NTN4: variants seen among roughly 807,000 people sequenced by gnomAD.
NTN4 encodes the protein netrin 4.
Under a neutral mutation model 73.6 loss-of-function variants are expected in NTN4, and 32 were observed. The ratio of observed to expected loss-of-function variants is 0.44; its 90% CI spans 0.33 to 0.58. The LOEUF is 0.58. Ranked by LOEUF, NTN4 falls within the 20% of genes least tolerant of loss-of-function variation. NTN4 has a pLI of 0.04. For missense variants in NTN4, 654 were observed against 798.3 expected (o/e 0.82, Z 2.18); for synonymous variants, 258 against 287.5 (o/e 0.90, Z 1.04).
chr12:95,760,698 T>C (rs992029500), intron 2 of NTN4, among the ~76,000 whole-genome samples: 4 of 136,404 alleles, frequency 2.9e-5, no homozygotes, highest in Admixed American at 7.4e-5. Flanking sequence ...TTTTTTTTTT[T>C]CTCGCTTAAG....
At chr12:95,771,803 C>G (rs2079060945) in intron 2 of NTN4, among the ~76,000 whole-genome samples, 2 of 152,018 alleles carry the variant, frequency 1.3e-5, no homozygotes, top group Non-Finnish European at 2.9e-5. Context: ...ATATAGCATG[C>G]CAACTATTGC....
chr12:95,785,005 A>C (rs116989055), intron 2 of NTN4, among the ~76,000 whole-genome samples: 157 of 152,348 alleles, frequency 1.0e-3, no homozygotes, highest in Admixed American at 1.8e-3. Context: ...TGTTGCAATA[A>C]ATTTGCAATA....
intron 2 of NTN4, among the ~76,000 whole-genome samples, chr12:95,754,002 T>C (rs113486293): frequency 0.035 from 5,235 of 151,162 alleles, 274 homozygotes; most frequent in East Asian, 0.28. Context: ...CAAGCCATCA[T>C]AGCTGATATC....
intron 7 of NTN4, among the ~76,000 whole-genome samples, chr12:95,681,150 C>T (rs890592995): frequency 2.1e-4 from 30 of 146,046 alleles, no homozygotes; most frequent in South Asian, 4.3e-4. Context: ...GATTGTGCCA[C>T]TGCACTCCAG....
intron 2 of NTN4, among the ~76,000 whole-genome samples, chr12:95,769,291 T>G (rs1408919010): frequency 6.6e-6 from 1 of 152,074 alleles, no homozygotes; most frequent in East Asian, 1.9e-4. Flanking sequence ...TTGAGAGAAC[T>G]GATAGAAGAT....
chr12:95,769,660 C>T (rs1029563773), intron 2 of NTN4, among the ~76,000 whole-genome samples: 3 of 150,750 alleles, frequency 2.0e-5, no homozygotes, highest in East Asian at 1.9e-4. Flanking sequence ...TTTGAACATT[C>T]GGCAGTGCAT....
chr12:95,693,662 C>A (rs535549138), intron 5 of NTN4, among the ~76,000 whole-genome samples: 4 of 144,778 alleles, frequency 2.8e-5, no homozygotes, highest in African/African-American at 1.0e-4. Flanking sequence ...ACCTGGGAAG[C>A]GGAGGCTGCA....
intron 9 of NTN4, 27 bp downstream of exon 9, chr12:95,665,783 A>ACTTGT (rs1227397684): frequency 6.3e-6 from 10 of 1,582,566 alleles, no homozygotes; most frequent in Non-Finnish European, 8.6e-6. Context: ...CAAGGTAGGT[A>ACTTGT]CTAAGATAGG....
At chr12:95,756,464 G>A (rs575657176) in intron 2 of NTN4, among the ~76,000 whole-genome samples, 1 of 152,274 alleles carries the variant, frequency 6.6e-6, no homozygotes, top group East Asian at 1.9e-4. Flanking sequence ...AACCTGCCTT[G>A]TTTTTGTCAA....
intron 3 of NTN4, among the ~76,000 whole-genome samples, chr12:95,725,822 G>T (rs2078689716): frequency 6.6e-6 from 1 of 152,132 alleles, no homozygotes; most frequent in African/African-American, 2.4e-5. Flanking sequence ...TGGAATACTG[G>T]TTTATTAAAA....
chr12:95,766,579 T>G (rs1308057066), intron 2 of NTN4, among the ~76,000 whole-genome samples: 2 of 152,256 alleles, frequency 1.3e-5, no homozygotes, highest in African/African-American at 4.8e-5. Flanking sequence ...TAAAGAATGC[T>G]AGCAATTCCT....
chr12:95,686,666 G>C (rs1267178540), intron 5 of NTN4, among the ~76,000 whole-genome samples: 7 of 151,692 alleles, frequency 4.6e-5, no homozygotes, highest in Non-Finnish European at 8.8e-5. Flanking sequence ...ACTGAGGCAG[G>C]AGAATCGCTT....
intron 3 of NTN4, among the ~76,000 whole-genome samples, chr12:95,717,420 A>G (rs929396750): frequency 6.6e-5 from 10 of 152,148 alleles, no homozygotes; most frequent in African/African-American, 2.4e-4. Context: ...TTGATCCCAC[A>G]TGCCAAGGAT....
Position 95,683,604 on chromosome 12 carries a change from G to A in NTN4, c.1288C>T (p.Arg430Cys), listed in dbSNP as rs1169030290. The part of the protein sequence containing the change: ...CPCKPGVAGR[R>C]CDRCMVGYWG... ...TATCCCACCATGCACCTGTCACAAC[G>A]TCGCCCTGCCACCCCAGGCTTGCAA... Residue 430 changes from arginine to cysteine, a missense_variant, in exon 6 of 10, where the codon CGT becomes TGT. Coordinates refer to ENST00000343702, the MANE Select transcript of NTN4 (RefSeq NM_021229.4). 25 of 1,614,132 alleles carry A rather than the reference G, an allele frequency of 1.5e-5. No individual in the cohort carries two copies. Among genetic ancestry groups the A allele is most frequent in the Non-Finnish European group, 1.9e-5 (22 of 1,180,016 alleles).
chr12:95,779,604 G>A (rs1035766396), intron 2 of NTN4, among the ~76,000 whole-genome samples: 4 of 152,048 alleles, frequency 2.6e-5, no homozygotes, highest in African/African-American at 9.7e-5. Context: ...TACAAGGGAT[G>A]TGATGGACCT....
chr12:95,698,486 C>T (rs1005717445), intron 5 of NTN4, among the ~76,000 whole-genome samples: 2 of 152,140 alleles, frequency 1.3e-5, no homozygotes, highest in Middle Eastern at 3.2e-3. Context: ...TCTTGGAAGA[C>T]ATTTTAGAGA....
chr12:95,694,963 A>G (rs2078429842), intron 5 of NTN4, among the ~76,000 whole-genome samples: 1 of 152,038 alleles, frequency 6.6e-6, no homozygotes, highest in Non-Finnish European at 1.5e-5. Context: ...CCCCATCTCT[A>G]CTCAAAATAC....
chr12:95,722,778 C>T (rs937066273), intron 3 of NTN4, among the ~76,000 whole-genome samples: 28 of 151,940 alleles, frequency 1.8e-4, no homozygotes, highest in African/African-American at 5.6e-4. Flanking sequence ...ATTTCGAGAG[C>T]GGCCTGGCCA....
chr12:95,691,769 T>A (rs1005668225), intron 5 of NTN4, among the ~76,000 whole-genome samples: 4 of 152,172 alleles, frequency 2.6e-5, no homozygotes, highest in African/African-American at 9.7e-5. Context: ...CTTTTCGTTA[T>A]AATTTTTAGT....
Sources: gnomAD v4.1 joint callset for allele counts (sites outside exome capture counted in the v4.1 genomes callset) on GRCh38, gnomAD v4.1.1 for gene constraint, MANE v1.5 for transcripts, NCBI Gene and HGNC (gene_info 2026-07-23, HGNC 2026-07-21) for gene names.